TMEM154: variants seen among roughly 807,000 people sequenced by gnomAD.
TMEM154 encodes the protein transmembrane protein 154.
A neutral mutation model predicts 24.5 loss-of-function variants in TMEM154; 27 were observed. The ratio of observed to expected loss-of-function variants is 1.10; its 90% CI spans 0.81 to 1.52. The LOEUF (loss-of-function observed/expected upper bound fraction) is 1.52, where lower values mean the gene tolerates loss of function less well. Among genes scored for constraint, TMEM154 ranks in the 40% most tolerant of loss-of-function variants. The pLI is 0.00. For synonymous variants in TMEM154, 67 were observed against 76.8 expected, an observed-to-expected ratio of 0.87 and a Z score of 0.67; for missense variants, 228 against 213.4, an observed-to-expected ratio of 1.07 and a Z score of -0.43.
intron 3 of TMEM154, among the ~76,000 whole-genome samples, chr4:152,652,273 T>TAA (rs11331839): frequency 3.7e-5 from 5 of 135,066 alleles, no homozygotes; most frequent in African/African-American, 1.1e-4. Flanking sequence ...TTCAATTTGT[T>TAA]AAAAAAAAAA....
rs1266600818 is a variant in TMEM154 at position 152,652,553 on chromosome 4, T to C, written c.349A>G (p.Ser117Gly). Reference protein sequence around the residue: ...KQEPSSQGSQSALQTYELGSE... With the variant: ...KQEPSSQGSQGALQTYELGSE... ...TAATACTCACATGTCTGTAAAGCAC[T>C]CTGAGATCCTTGGCTAGAAGGTTCT... Residue 117 changes from serine to glycine, a missense_variant, in exon 3 of 7, where the codon AGT (serine) becomes GGT (glycine). Ser to Gly is a moderately conservative substitution (Grantham distance 56). Transcript: ENST00000304385. 7.4e-6 allele frequency: 12 copies of C among 1,613,608 alleles called. No homozygotes were observed. Among genetic ancestry groups the C allele is most frequent in the Non-Finnish European group, 6.8e-6 (8 of 1,179,690 alleles).
chr4:152,648,166 G>T (rs541776511), intron 3 of TMEM154, among the ~76,000 whole-genome samples: 6 of 152,288 alleles, frequency 3.9e-5, no homozygotes, highest in Admixed American at 2.6e-4. Context: ...CCTAGGGGAG[G>T]ATTATTCAAG....
chr4:152,635,582 G>T (rs1752132290), intron 6 of TMEM154, among the ~76,000 whole-genome samples: 1 of 152,116 alleles, frequency 6.6e-6, no homozygotes, highest in Non-Finnish European at 1.5e-5. Flanking sequence ...ATGACAAAGA[G>T]AAGGGATGAA....
At chr4:152,629,801 C>T (rs1751998173) in intron 6 of TMEM154, among the ~76,000 whole-genome samples, 1 of 152,150 alleles carries the variant, frequency 6.6e-6, no homozygotes, top group Admixed American at 6.5e-5. Context: ...GCAACTGAGA[C>T]ACACATAGAT....
Position 152,621,016 on chromosome 4 carries a change from A to G in TMEM154, c.*7530T>C, listed in dbSNP as rs1208665031. 3 of 152,224 alleles carry G rather than the reference A, an allele frequency of 2.0e-5. No individual in the cohort carries two copies. Among genetic ancestry groups the G allele is most frequent in the African/African-American group, 4.8e-5 (2 of 41,452 alleles). The allele number at this position is 152,224 out of a possible 1,614,324, so 9.4% of individuals were successfully genotyped here. A position where few individuals can be genotyped will look rare whatever the true frequency, so the allele number is the denominator to read the frequency against. ...GGGTGGCTACCTCTTCAGATACCCAATATTCTTCCACCACTTTGTGAGACA... is the reference window on the plus strand; with the variant it reads ...GGGTGGCTACCTCTTCAGATACCCAGTATTCTTCCACCACTTTGTGAGACA... On this transcript the variant is annotated 3_prime_UTR_variant, in exon 7 of 7. Coordinates refer to ENST00000304385, the MANE Select transcript of TMEM154 (RefSeq NM_152680.3).
chr4:152,666,219 A>C (rs1299570967), intron 1 of TMEM154: 3 of 152,164 alleles, frequency 2.0e-5, no homozygotes, highest in African/African-American at 7.2e-5. Flanking sequence ...TGTTCTCCAC[A>C]TTTGCTGTGC....
At chr4:152,679,452 G>A (rs1729017459) in intron 1 of TMEM154, among the ~76,000 whole-genome samples, 1 of 151,462 alleles carries the variant, frequency 6.6e-6, no homozygotes, top group South Asian at 2.1e-4. Flanking sequence ...GTTTTTCCAG[G>A]AGATTTTGGA....
chr4:152,649,886 T>C (rs187257710), intron 3 of TMEM154, among the ~76,000 whole-genome samples: 1 of 152,332 alleles, frequency 6.6e-6, no homozygotes, highest in African/African-American at 2.4e-5. Context: ...AATTTTTTAG[T>C]TTCCAAATGC....
At chr4:152,640,876 T>TCCCC in intron 6 of TMEM154, 52 bp downstream of exon 6, 2 of 1,113,608 alleles carry the variant, frequency 1.8e-6, no homozygotes, top group Non-Finnish European at 2.7e-6. Flanking sequence ...TGGTTCCCAA[T>TCCCC]CCCCCCGCCC....
chr4:152,628,600 A>AAAAAAAAAAAAAAAAC, intron 6 of TMEM154, 39 bp from the exon 7 acceptor site: 2 of 989,212 alleles, frequency 2.0e-6, no homozygotes, highest in Non-Finnish European at 2.7e-6. Flanking sequence ...AAACAAAAAA[A>AAAAAAAAAAAAAAAAC]ACACACACAC....
chr4:152,668,008 C>T (rs914614634), intron 1 of TMEM154, among the ~76,000 whole-genome samples: 7 of 152,202 alleles, frequency 4.6e-5, no homozygotes, highest in African/African-American at 1.7e-4. Flanking sequence ...ATGTCTTTTT[C>T]ATTTGAAACT....
intron 6 of TMEM154, among the ~76,000 whole-genome samples, chr4:152,635,455 A>G (rs1410733626): frequency 6.6e-6 from 1 of 152,220 alleles, no homozygotes; most frequent in Non-Finnish European, 1.5e-5. Context: ...AAGTTTACTC[A>G]AATTATTTTA....
intron 3 of TMEM154, among the ~76,000 whole-genome samples, chr4:152,651,414 T>C (rs1371310240): frequency 2.0e-5 from 3 of 152,240 alleles, no homozygotes; most frequent in Non-Finnish European, 4.4e-5. Flanking sequence ...CTAGGTCTTC[T>C]AGATAACTTG....
In TMEM154 at chr4:152,624,995, C is replaced by G. The variant is rs1315894840; in HGVS notation, c.*3551G>C. The stretch of plus-strand genomic sequence containing the variant: ...GAGGATTTCAGCAGTGTCTTCCCAG[C>G]ATGAAACCATGTCTTATCACTCCAC... On this transcript the variant is annotated 3_prime_UTR_variant, in exon 7 of 7. Coordinates refer to ENST00000304385, the MANE Select transcript of TMEM154 (RefSeq NM_152680.3). 1.3e-5 allele frequency: 2 copies of G among 152,210 alleles called. No individual in the cohort carries two copies. Among genetic ancestry groups the G allele is most frequent in the African/African-American group, 4.8e-5 (2 of 41,444 alleles). The allele number at this position is 152,210 out of a possible 1,614,324, so 9.4% of individuals were successfully genotyped here.
In TMEM154 at chr4:152,627,975, C is replaced by G. The variant is rs965444982; in HGVS notation, c.*571G>C. On this transcript the variant is annotated 3_prime_UTR_variant, in exon 7 of 7. Coordinates refer to ENST00000304385, the MANE Select transcript of TMEM154 (RefSeq NM_152680.3). ...CACTGTGTCTTCTTGGCAGGCAGAG[C>G]TTACTGACCCCCTGGGATGGTGTAT... 6.4e-6 allele frequency: 1 copy of G among 156,586 alleles called. No individual in the cohort carries two copies. The highest frequency in any genetic ancestry group is 1.9e-4 in the East Asian group (1 of 5,244). 9.7% of individuals were successfully genotyped at this position (156,586 alleles called of 1,614,324 possible).
intron 1 of TMEM154, among the ~76,000 whole-genome samples, chr4:152,663,530 G>A (rs1484088767): frequency 6.6e-6 from 1 of 152,254 alleles, no homozygotes; most frequent in Non-Finnish European, 1.5e-5. Context: ...AGATCACTGG[G>A]TGTGAGGGCC....
At chr4:152,631,125 A>G (rs1215635235) in intron 6 of TMEM154, among the ~76,000 whole-genome samples, 3 of 152,226 alleles carry the variant, frequency 2.0e-5, no homozygotes, top group Admixed American at 1.3e-4. Flanking sequence ...TTGTTAGGTC[A>G]AATTATATAC....
In TMEM154 at chr4:152,619,779, G is replaced by T. The variant is rs919548963; in HGVS notation, c.*8767C>A. 3 of 152,248 alleles carry T rather than the reference G, an allele frequency of 2.0e-5. No individual in the cohort carries two copies. Among genetic ancestry groups the T allele is most frequent in the African/African-American group, 7.2e-5 (3 of 41,466 alleles). The allele number at this position is 152,248 out of a possible 1,614,324, so 9.4% of individuals were successfully genotyped here. A position where few individuals can be genotyped will look rare whatever the true frequency, so the allele number is the denominator to read the frequency against. On this transcript the variant is annotated 3_prime_UTR_variant, in exon 7 of 7. Transcript: ENST00000304385. ...TGCCAGCCATGTGAGTCATCTGAAA[G>T]TGGGACCCCCAGATCCAGTTGAACT...
chr4:152,632,204 G>A (rs1308484094), intron 6 of TMEM154, among the ~76,000 whole-genome samples: 2 of 151,888 alleles, frequency 1.3e-5, no homozygotes, highest in South Asian at 2.1e-4. Flanking sequence ...TATTTTTTCT[G>A]GCTTTTTTTC....
Sources: gnomAD v4.1 joint callset for allele counts (sites outside exome capture counted in the v4.1 genomes callset) on GRCh38, gnomAD v4.1.1 for gene constraint, MANE v1.5 for transcripts, NCBI Gene and HGNC (gene_info 2026-07-23, HGNC 2026-07-21) for gene names.